The following RELN variants were observed in gnomAD, a reference collection of about 807,000 sequenced individuals.
RELN encodes reelin.
Under a neutral mutation model 427.6 loss-of-function variants are expected in RELN, and 108 were observed. That is an observed-to-expected ratio of 0.25 (90% CI 0.22 to 0.30). The LOEUF (loss-of-function observed/expected upper bound fraction) is 0.30. Ranked by LOEUF, RELN falls within the 10% of genes least tolerant of loss-of-function variation. The pLI is 1.00. For synonymous variants in RELN, 1,524 were observed against 1,513.4 expected, an observed-to-expected ratio of 1.01 and a Z score of -0.16; for missense variants, 3,715 against 4,302.8, an observed-to-expected ratio of 0.86 and a Z score of 3.82.
At chr7:103,878,921 A>C (rs1794545305) in intron 2 of RELN, among the ~76,000 whole-genome samples, 1 of 152,198 alleles carries the variant, frequency 6.6e-6, no homozygotes, top group Admixed American at 6.5e-5. Flanking sequence ...ACTCTTGGTC[A>C]ATCTTCAAAC....
chr7:103,755,768 G>C (rs1018995240), intron 4 of RELN, among the ~76,000 whole-genome samples: 3 of 134,036 alleles, frequency 2.2e-5, no homozygotes, highest in East Asian at 4.3e-4. Context: ...TGAGCTGATC[G>C]CACAACCGCA....
chr7:103,532,078 G>C (rs1450277785), intron 46 of RELN, among the ~76,000 whole-genome samples: 1 of 152,048 alleles, frequency 6.6e-6, no homozygotes, highest in Non-Finnish European at 1.5e-5. Flanking sequence ...AAGAAAATGT[G>C]GTACATATAC....
intron 36 of RELN, among the ~76,000 whole-genome samples, chr7:103,558,643 G>C (rs1481907783): frequency 1.3e-5 from 2 of 152,202 alleles, no homozygotes; most frequent in Admixed American, 1.3e-4. Context: ...CAAGGAAAGA[G>C]ATCACATTAG....
chr7:103,670,728 A>T (rs905585444), intron 11 of RELN, among the ~76,000 whole-genome samples: 1 of 152,070 alleles, frequency 6.6e-6, no homozygotes, highest in African/African-American at 2.4e-5. Context: ...TCAGAGTGAA[A>T]ATTTAAATTA....
At chr7:103,608,494 C>A (rs575063772) in intron 22 of RELN, among the ~76,000 whole-genome samples, 3 of 151,598 alleles carry the variant, frequency 2.0e-5, no homozygotes, top group Non-Finnish European at 2.9e-5. Context: ...GTAAATGGTC[C>A]GGGGAATAAT....
At chr7:103,736,788 A>G (rs1445194810) in intron 6 of RELN, among the ~76,000 whole-genome samples, 22 of 152,210 alleles carry the variant, frequency 1.4e-4, no homozygotes, top group Admixed American at 1.2e-3. Context: ...TAAAGCAGAA[A>G]TTAAACAAGG....
chr7:103,544,419 G>T (rs1830244535), intron 42 of RELN, among the ~76,000 whole-genome samples: 1 of 151,476 alleles, frequency 6.6e-6, no homozygotes, highest in Admixed American at 6.6e-5. Context: ...TAGAGATGGG[G>T]TTTCACCACG....
chr7:103,697,903 C>T lies in RELN; in HGVS notation c.1093G>A (p.Asp365Asn), dbSNP rs1187393292. 9.3e-6 allele frequency: 15 copies of T among 1,613,544 alleles called. No homozygotes were observed. The highest frequency in any genetic ancestry group is 8.9e-5 in the East Asian group (4 of 44,848). Residue 365 changes from aspartate (D) to asparagine (N), a missense_variant, in exon 10 of 65, where the codon GAC becomes AAC. By Grantham distance (23) the Asp-to-Asn change is conservative (BLOSUM62 1). Around this residue, in one of 4 missense-constraint regions of RELN, gnomAD observed 2,208 missense variants for 2,361.7 expected, o/e 0.93. Coordinates refer to ENST00000428762, the MANE Select transcript of RELN (RefSeq NM_005045.4). ...AGCCAGTTGCCTGTGTCCACTGGGT[C>T]GAGACTATCTTCTAAAACGACTTGT... ...HRQVVLEDSL[D>N]PVDTGNWLFF...
chr7:103,758,246 C>T (rs536963225), intron 4 of RELN, among the ~76,000 whole-genome samples: 1 of 152,190 alleles, frequency 6.6e-6, no homozygotes, highest in East Asian at 1.9e-4. Flanking sequence ...AGTAACTGGA[C>T]TGAATTGGAA....
chr7:103,556,990 T>A lies in RELN; in HGVS notation c.5784A>T (p.Gln1928His), dbSNP rs1233167328. The A allele has an allele frequency of 9.3e-6, 15 of 1,612,306 alleles. No individual in the cohort carries two copies. The highest frequency in any genetic ancestry group is 1.3e-5 in the Non-Finnish European group (15 of 1,178,420). ...ATGCATTTTTACCGTTATTATAAGG[T>A]TGCCAGAGTCTGAATCTTGTAGCAT... ...QTNATRFRLW[Q>H]PYNNGKKEEI... is the part of the protein sequence containing the mutation. Residue 1928 changes from glutamine (Q) to histidine (H), a missense_variant, in exon 38 of 65, where the codon CAA becomes CAT. Physicochemically the swap from Gln to His is conservative, Grantham distance 24. Coordinates refer to ENST00000428762, the MANE Select transcript of RELN (RefSeq NM_005045.4).
At chr7:103,491,605 G>A (rs1266575711) in intron 58 of RELN, among the ~76,000 whole-genome samples, 3 of 151,934 alleles carry the variant, frequency 2.0e-5, no homozygotes, top group Admixed American at 2.0e-4. Context: ...AGAGGCAGGC[G>A]GATCACCTGA....
In RELN at chr7:103,839,874, C is replaced by T. The variant is rs113986685; in HGVS notation, c.338-6202G>A. Among the ~76,000 whole-genome samples, 251 of 152,286 alleles carry T rather than the reference C, an allele frequency of 1.6e-3. 1 individual carries two copies. The highest frequency in any genetic ancestry group is 5.8e-3 in the African/African-American group (243 of 41,560). The stretch of plus-strand genomic sequence containing the variant: ...ACTATGTCCCCACCCAAATGTCATG[C>T]TGAATTATAATTCCCAGTGTTGGGG... On this transcript the variant is annotated intron_variant, in intron 2 of 64. Coordinates refer to ENST00000428762, the MANE Select transcript of RELN (RefSeq NM_005045.4).
At chr7:103,635,707 T>A in intron 18 of RELN, 121 bp from the exon 19 acceptor site, 1 of 779,900 alleles carries the variant, frequency 1.3e-6, no homozygotes, top group Non-Finnish European at 2.1e-6. Flanking sequence ...AAATGTTAAG[T>A]AATTTCATTG....
chr7:103,919,132 TC>T (rs1409086608), intron 1 of RELN, among the ~76,000 whole-genome samples: 33 of 137,480 alleles, frequency 2.4e-4, no homozygotes, highest in Admixed American at 2.2e-4. Context: ...TGATAATCGG[TC>T]TTTTTTTTTT....
At chr7:103,492,267 TA>T (rs1431060878) in intron 57 of RELN, among the ~76,000 whole-genome samples, 1 of 152,148 alleles carries the variant, frequency 6.6e-6, no homozygotes, top group African/African-American at 2.4e-5. Flanking sequence ...ATTAGTATAA[TA>T]AAAAATTAAT....
intron 8 of RELN, among the ~76,000 whole-genome samples, chr7:103,721,968 A>C (rs1015531469): frequency 6.6e-6 from 1 of 152,232 alleles, no homozygotes; most frequent in Non-Finnish European, 1.5e-5. Context: ...TGTTTGCTAC[A>C]GAACAGGATA....
At chr7:103,714,091 C>T (rs1789876372) in intron 8 of RELN, among the ~76,000 whole-genome samples, 1 of 152,092 alleles carries the variant, frequency 6.6e-6, no homozygotes, top group South Asian at 2.1e-4. Flanking sequence ...TCCAGGATGG[C>T]TGGTTTAATA....
At chr7:103,539,001 A>G in intron 45 of RELN, 77 bp downstream of exon 45, 1 of 1,518,948 alleles carries the variant, frequency 6.6e-7, no homozygotes, top group Admixed American at 1.7e-5. Context: ...AGAGAGGCAG[A>G]GTAGTCCTAT....
chr7:103,585,403 C>A (rs1831247062), intron 28 of RELN, among the ~76,000 whole-genome samples: 1 of 152,080 alleles, frequency 6.6e-6, no homozygotes, highest in Non-Finnish European at 1.5e-5. Flanking sequence ...TAAAAAAGAT[C>A]ATTGGAGACT....
Sources: gnomAD v4.1 joint callset for allele counts (sites outside exome capture counted in the v4.1 genomes callset) on GRCh38, gnomAD v4.1.1 for gene constraint, gnomAD v4.1.1 regional missense constraint, MANE v1.5 for transcripts, NCBI Gene and HGNC (gene_info 2026-07-23, HGNC 2026-07-21) for gene names.